MOB3B: variants seen among roughly 807,000 people sequenced by gnomAD.
MOB3B encodes MOB kinase activator-like 2B.
A neutral mutation model predicts 18.7 loss-of-function variants in MOB3B; 7 were observed. The observed-to-expected ratio is 0.37, with a 90% confidence interval of 0.21 to 0.70. MOB3B has a LOEUF of 0.70. Among genes scored for constraint, MOB3B ranks in the 30% least tolerant of loss-of-function variants. The pLI is 0.52. For missense variants in MOB3B, 253 were observed against 281.3 expected, an observed-to-expected ratio of 0.90 and a Z score of 0.72; for synonymous variants, 111 against 99.9, an observed-to-expected ratio of 1.11 and a Z score of -0.66.
chr9:27,366,489 G>T (rs1324588693), intron 2 of MOB3B, among the ~76,000 whole-genome samples: 1 of 151,952 alleles, frequency 6.6e-6, no homozygotes, highest in Non-Finnish European at 1.5e-5. Flanking sequence ...AAGAAAATAA[G>T]TTGCCTAAAT....
At position 27,418,668 on chromosome 9, in the gene MOB3B, T is replaced by C. The variant is rs186890657; in HGVS notation, c.418+36465A>G. ...ATTAAAACTCTCAGAAAAATCAGCATACAAGGGATATATCTTAATGTAATA... is the reference window on the plus strand; with the variant it reads ...ATTAAAACTCTCAGAAAAATCAGCACACAAGGGATATATCTTAATGTAATA... On this transcript the variant is annotated intron_variant, in intron 2 of 3. Coordinates refer to ENST00000262244, the MANE Select transcript of MOB3B (RefSeq NM_024761.5). 2.1e-4 allele frequency among the ~76,000 whole-genome samples: 32 copies of C among 152,284 alleles called. 1 individual carries two copies. Among genetic ancestry groups the C allele is most frequent in the Admixed American group, 7.2e-4 (11 of 15,298 alleles).
rs549306168 is a variant in MOB3B, at chr9:27,423,670, G to C, written c.418+31463C>G. The stretch of plus-strand genomic sequence containing the variant: ...ATGTGTAATAACTGGTTTAGTATCT[G>C]TCTTCACTACAAGAGTAGAAGTTAC... On this transcript the variant is annotated intron_variant, in intron 2 of 3. Coordinates refer to ENST00000262244, the MANE Select transcript of MOB3B (RefSeq NM_024761.5). Among the ~76,000 whole-genome samples, 3 of 152,296 alleles carry C rather than the reference G, an allele frequency of 2.0e-5. No homozygotes were observed. In the South Asian group the frequency reaches 6.2e-4, roughly 32 times the overall value.
At chr9:27,405,062 CT>C in intron 2 of MOB3B, among the ~76,000 whole-genome samples, 1 of 91,276 alleles carries the variant, frequency 1.1e-5, no homozygotes, top group Non-Finnish European at 2.4e-5. Context: ...TGTATGTCTT[CT>C]TTTGAGAAAT....
intron 3 of MOB3B, among the ~76,000 whole-genome samples, chr9:27,349,152 T>A (rs1821071906): frequency 6.6e-6 from 1 of 152,252 alleles, no homozygotes; most frequent in Non-Finnish European, 1.5e-5. Context: ...ATCTTGGAAT[T>A]AATACTAATT....
At chr9:27,448,615 G>A (rs547906681) in intron 2 of MOB3B, among the ~76,000 whole-genome samples, 7 of 152,278 alleles carry the variant, frequency 4.6e-5, no homozygotes, top group African/African-American at 9.6e-5. Flanking sequence ...CCCACCATGC[G>A]TGGGAATTAT....
intron 1 of MOB3B, among the ~76,000 whole-genome samples, chr9:27,461,453 C>A (rs1287893821): frequency 6.6e-6 from 1 of 152,244 alleles, no homozygotes; most frequent in Non-Finnish European, 1.5e-5. Context: ...AACTCCTCAA[C>A]TTTGAGCTGT....
chr9:27,348,744 G>A (rs148406428), intron 3 of MOB3B, among the ~76,000 whole-genome samples: 1 of 152,322 alleles, frequency 6.6e-6, no homozygotes, highest in Non-Finnish European at 1.5e-5. Flanking sequence ...TGAATGGAAA[G>A]TGGGAAGAAG....
chr9:27,362,955 G>C (rs1048293886), intron 2 of MOB3B, among the ~76,000 whole-genome samples: 2 of 152,122 alleles, frequency 1.3e-5, no homozygotes, highest in Non-Finnish European at 2.9e-5. Context: ...GCGAGACCTC[G>C]GATGTCCACC....
intron 2 of MOB3B, among the ~76,000 whole-genome samples, chr9:27,380,704 AC>A (rs1758168917): frequency 7.4e-6 from 1 of 135,410 alleles, no homozygotes; most frequent in Non-Finnish European, 1.5e-5. Context: ...CTTGTAAATC[AC>A]CCTTGTTCTT....
intron 3 of MOB3B, among the ~76,000 whole-genome samples, chr9:27,348,407 C>G (rs756050634): frequency 6.6e-6 from 1 of 152,134 alleles, no homozygotes; most frequent in Non-Finnish European, 1.5e-5. Context: ...AATCCCAGCA[C>G]TTTGGGAGGC....
intron 2 of MOB3B, among the ~76,000 whole-genome samples, chr9:27,418,519 G>A (rs910281202): frequency 3.9e-5 from 6 of 152,120 alleles, no homozygotes; most frequent in Non-Finnish European, 7.4e-5. Flanking sequence ...CAGAGATACA[G>A]GGATGGTTTA....
intron 2 of MOB3B, among the ~76,000 whole-genome samples, chr9:27,389,668 C>G (rs1226049432): frequency 1.3e-5 from 2 of 152,164 alleles, no homozygotes. Flanking sequence ...CATTAGCTCC[C>G]TGAGGCCAGG....
At chr9:27,372,031 C>T (rs1170116623) in intron 2 of MOB3B, among the ~76,000 whole-genome samples, 1 of 152,100 alleles carries the variant, frequency 6.6e-6, no homozygotes, top group Non-Finnish European at 1.5e-5. Context: ...GAAAGAAAAA[C>T]ACTCTCGTAG....
At chr9:27,463,833 G>C (rs904576155) in intron 1 of MOB3B, among the ~76,000 whole-genome samples, 2 of 152,010 alleles carry the variant, frequency 1.3e-5, no homozygotes, top group African/African-American at 4.8e-5. Context: ...GGACACGCCT[G>C]TAGTCCCAGC....
intron 1 of MOB3B, among the ~76,000 whole-genome samples, chr9:27,488,102 G>C (rs1262923677): frequency 6.6e-6 from 1 of 152,100 alleles, no homozygotes; most frequent in Non-Finnish European, 1.5e-5. Flanking sequence ...CCTCAAACCT[G>C]CCCTACTACA....
chr9:27,390,338 G>A (rs1322462584), intron 2 of MOB3B, among the ~76,000 whole-genome samples: 2 of 152,046 alleles, frequency 1.3e-5, no homozygotes, highest in African/African-American at 4.8e-5. Context: ...CCTCCTCTGG[G>A]GTTACAGGCA....
At chr9:27,420,354 A>G (rs1193863700) in intron 2 of MOB3B, among the ~76,000 whole-genome samples, 1 of 151,834 alleles carries the variant, frequency 6.6e-6, no homozygotes, top group Non-Finnish European at 1.5e-5. Context: ...ATATTTGCAC[A>G]CACATGTTTA....
Position 27,371,597 on chromosome 9 carries a change from A to T in MOB3B, c.419-12361T>A, listed in dbSNP as rs547075464. On this transcript the variant is annotated intron_variant, in intron 2 of 3. Coordinates refer to ENST00000262244, the MANE Select transcript of MOB3B (RefSeq NM_024761.5). ...ATGAACTAATTCAAGTAAATTATTT[A>T]CTTGAATATGTCTTAAACAAGATAT... Among the ~76,000 whole-genome samples, 5 of 152,372 alleles carry T rather than the reference A, an allele frequency of 3.3e-5. No individual in the cohort carries two copies. The South Asian group carries it at 8.3e-4, about 25-fold the overall frequency.
At chr9:27,381,701 C>T (rs1458543354) in intron 2 of MOB3B, among the ~76,000 whole-genome samples, 2 of 152,102 alleles carry the variant, frequency 1.3e-5, no homozygotes, top group Non-Finnish European at 2.9e-5. Flanking sequence ...GGCTGGTGTG[C>T]AGAGGCGCCA....
Sources: gnomAD v4.1 joint callset for allele counts (sites outside exome capture counted in the v4.1 genomes callset) on GRCh38, gnomAD v4.1.1 for gene constraint, MANE v1.5 for transcripts, NCBI Gene and HGNC (gene_info 2026-07-23, HGNC 2026-07-21) for gene names.